MBNL2: variants seen among roughly 807,000 people sequenced by gnomAD.
MBNL2 encodes the protein muscleblind like splicing regulator 2.
Under a neutral mutation model 41.9 loss-of-function variants are expected in MBNL2, and 17 were observed. That is an observed-to-expected ratio of 0.41 (90% CI 0.28 to 0.61). The LOEUF (loss-of-function observed/expected upper bound fraction) is 0.61, where lower values mean the gene tolerates loss of function less well. MBNL2 is among the 20% of genes least tolerant of loss of function. The pLI is 0.35. For missense variants in MBNL2, 336 were observed against 505.6 expected (o/e 0.66, Z 3.22); for synonymous variants, 195 against 182.9 (o/e 1.07, Z -0.53).
In MBNL2 at chr13:97,366,688, C is replaced by A; in HGVS notation, c.1048+1517C>A. Reference sequence around the variant, plus strand: ...TTTTATTTTTTTAATTAGTTTATAGCAAGCATTTACAGACAGGTTGCACTT... The same window carrying A: ...TTTTATTTTTTTAATTAGTTTATAGAAAGCATTTACAGACAGGTTGCACTT... On this transcript the variant is annotated intron_variant, in intron 8 of 8. Transcript: ENST00000679496. The surrounding 1 kb of genome is among the most constrained non-coding windows in gnomAD (Gnocchi z 4.7). The A allele has an allele frequency of 1.4e-6, 1 of 706,096 alleles. No individual in the cohort carries two copies. The highest frequency in any genetic ancestry group is 2.6e-6 in the Non-Finnish European group (1 of 386,592). 43.7% of individuals were successfully genotyped at this position (706,096 alleles called of 1,614,324 possible).
At chr13:97,173,028 G>A in the MBNL2 span, among the ~76,000 whole-genome samples, 1 of 152,312 alleles carries the variant, frequency 6.6e-6, no homozygotes, top group East Asian at 1.9e-4. Flanking sequence ...TCAAATGGAG[G>A]AAAGGAGCAG....
intron 6 of MBNL2, 45 bp downstream of exon 6, chr13:97,356,894 G>A: frequency 8.2e-7 from 1 of 1,222,652 alleles, no homozygotes; most frequent in African/African-American, 1.5e-5. Context: ...GCTTTTCAGA[G>A]AACCATCTGA....
intron 2 of MBNL2, among the ~76,000 whole-genome samples, chr13:97,311,146 C>T (rs2058575537): frequency 6.6e-6 from 1 of 152,084 alleles, no homozygotes; most frequent in South Asian, 2.1e-4. Context: ...TGTGAAAATG[C>T]TTTTCACAAA....
At chr13:97,241,727 A>G (rs943914747) in intron 1 of MBNL2, among the ~76,000 whole-genome samples, 9 of 152,190 alleles carry the variant, frequency 5.9e-5, no homozygotes, top group South Asian at 2.1e-4. Flanking sequence ...CCCAAAAGCC[A>G]TTGGAGAACC....
chr13:97,302,280 G>A (rs575061402), intron 2 of MBNL2, among the ~76,000 whole-genome samples: 1 of 152,342 alleles, frequency 6.6e-6, no homozygotes, highest in South Asian at 2.1e-4. Flanking sequence ...ATGAGAGGAA[G>A]AGAATCCCTT....
intron 8 of MBNL2, among the ~76,000 whole-genome samples, chr13:97,386,045 C>T (rs758944390): frequency 1.1e-4 from 16 of 152,328 alleles, no homozygotes; most frequent in South Asian, 6.2e-4. Context: ...TAACTGATGA[C>T]TCAGTCAAGG....
chr13:97,316,538 C>T (rs965824183), intron 2 of MBNL2, among the ~76,000 whole-genome samples: 5 of 152,224 alleles, frequency 3.3e-5, no homozygotes, highest in African/African-American at 4.8e-5. Context: ...GGCCCTGGCT[C>T]ATGGAGTCCA....
the MBNL2 span, among the ~76,000 whole-genome samples, chr13:97,163,426 A>G: frequency 2.0e-5 from 3 of 149,474 alleles, no homozygotes; most frequent in South Asian, 4.3e-4. Flanking sequence ...AAGCTGGTCC[A>G]GGCACACTCC....
At chr13:97,285,028 A>G (rs550506575) in intron 2 of MBNL2, among the ~76,000 whole-genome samples, 40 of 152,354 alleles carry the variant, frequency 2.6e-4, no homozygotes, top group African/African-American at 9.4e-4. Context: ...AAAGAAAGAA[A>G]TATTTATCAT....
chr13:97,249,114 A>C (rs1341488100), intron 1 of MBNL2, among the ~76,000 whole-genome samples: 5 of 152,250 alleles, frequency 3.3e-5, no homozygotes, highest in Non-Finnish European at 7.3e-5. Flanking sequence ...CAATTTGGAC[A>C]GCAGACTGTG....
chr13:97,234,504 G>A (rs1033237437), intron 1 of MBNL2, among the ~76,000 whole-genome samples: 31 of 152,090 alleles, frequency 2.0e-4, no homozygotes, highest in African/African-American at 7.5e-4. Context: ...TGCGGGGGCG[G>A]GGGGTAGTGA....
chr13:97,221,415 CTCT>C (rs1478050574), upstream of MBNL2: 2 of 150,620 alleles, frequency 1.3e-5, no homozygotes, highest in Non-Finnish European at 3.0e-5. Context: ...CCTAAACTTT[CTCT>C]TCTTCTGCTT....
At chr13:97,192,999 CT>C in the MBNL2 span, among the ~76,000 whole-genome samples, 2 of 152,308 alleles carry the variant, frequency 1.3e-5, no homozygotes, top group African/African-American at 4.8e-5. Flanking sequence ...GATGTGATAG[CT>C]TTGTCCAAGC....
chr13:97,166,830 AGATAGAT>A, the MBNL2 span, among the ~76,000 whole-genome samples: 29 of 151,072 alleles, frequency 1.9e-4, no homozygotes, highest in South Asian at 6.3e-4. Flanking sequence ...ATAGATAGAT[AGATAGAT>A]AGAAAGATAG....
intron 2 of MBNL2, among the ~76,000 whole-genome samples, chr13:97,300,645 T>C (rs1277585664): frequency 6.6e-6 from 1 of 152,208 alleles, no homozygotes; most frequent in Non-Finnish European, 1.5e-5. Flanking sequence ...CTGACCTCTC[T>C]TGCAACATTG....
At chr13:97,333,755 T>G (rs1267973987) in intron 2 of MBNL2, among the ~76,000 whole-genome samples, 1 of 151,884 alleles carries the variant, frequency 6.6e-6, no homozygotes, top group African/African-American at 2.4e-5. Flanking sequence ...TGGACATCAC[T>G]CTAGCATGTA....
At chr13:97,331,346 C>T (rs763803137) in intron 2 of MBNL2, among the ~76,000 whole-genome samples, 16 of 152,120 alleles carry the variant, frequency 1.1e-4, no homozygotes, top group African/African-American at 2.9e-4. Flanking sequence ...AAGAAAAGGT[C>T]GAGCCAAGTT....
intron 2 of MBNL2, among the ~76,000 whole-genome samples, chr13:97,279,005 G>A (rs543496620): frequency 5.3e-5 from 8 of 152,126 alleles, no homozygotes; most frequent in Non-Finnish European, 5.9e-5. Context: ...AAGTAAGCAC[G>A]GTCTGTAGCA....
At chr13:97,342,393 A>G (rs2061511976) in intron 3 of MBNL2, among the ~76,000 whole-genome samples, 1 of 152,192 alleles carries the variant, frequency 6.6e-6, no homozygotes, top group Non-Finnish European at 1.5e-5. Context: ...CTTCCAGAAA[A>G]CCTTTCAGGA....
Sources: gnomAD v4.1 joint callset for allele counts (sites outside exome capture counted in the v4.1 genomes callset) on GRCh38, gnomAD v4.1.1 for gene constraint, Gnocchi (gnomAD v3.1) non-coding constraint, MANE v1.5 for transcripts, NCBI Gene and HGNC (gene_info 2026-07-23, HGNC 2026-07-21) for gene names.